The following GPC5 variants were observed in gnomAD, a reference collection of about 807,000 sequenced individuals.
GPC5 encodes glypican 5, also known as glypican-5.
In GPC5, 47 loss-of-function variants were observed where a neutral mutation model predicts 53.9. That is an observed-to-expected ratio of 0.87 (90% confidence interval 0.69 to 1.11). The LOEUF is 1.11. Among genes scored for constraint, GPC5 ranks in the 50% most tolerant of loss-of-function variants. The probability of loss-of-function intolerance (pLI) is 0.00; values close to 1 mark genes in which losing one functional copy is unlikely to be tolerated. For synonymous variants in GPC5, 286 were observed against 263.3 expected, an observed-to-expected ratio of 1.09 and a Z score of -0.84; for missense variants, 748 against 713.1, an observed-to-expected ratio of 1.05 and a Z score of -0.56.
At chr13:92,838,354 G>A (rs988656874) in intron 7 of GPC5, among the ~76,000 whole-genome samples, 2 of 151,556 alleles carry the variant, frequency 1.3e-5, no homozygotes, top group African/African-American at 2.4e-5. Flanking sequence ...CGTGGTGGTG[G>A]GCACTTGTAG....
chr13:92,136,259 C>A (rs1436488321), intron 6 of GPC5, among the ~76,000 whole-genome samples: 1 of 152,114 alleles, frequency 6.6e-6, no homozygotes. Flanking sequence ...ATTTCATACA[C>A]ATTTCCTTAT....
chr13:92,632,485 T>TATATATATATATATATATATAC (rs138355646), intron 7 of GPC5, among the ~76,000 whole-genome samples: 6 of 137,666 alleles, frequency 4.4e-5, no homozygotes, highest in African/African-American at 5.4e-5. Flanking sequence ...TATATATATA[T>TATATATATATATATATATATAC]ACACATATAT....
chr13:92,535,036 C>A (rs1204762818), intron 7 of GPC5, among the ~76,000 whole-genome samples: 2 of 152,024 alleles, frequency 1.3e-5, no homozygotes, highest in Non-Finnish European at 2.9e-5. Context: ...GAGTTCTAGT[C>A]AAAATTCATT....
intron 1 of GPC5, among the ~76,000 whole-genome samples, chr13:91,401,393 A>G (rs1218588958): frequency 6.6e-6 from 1 of 152,066 alleles, no homozygotes; most frequent in African/African-American, 2.4e-5. Flanking sequence ...ATGATCTACA[A>G]CATTTAACAT....
intron 5 of GPC5, among the ~76,000 whole-genome samples, chr13:91,888,244 C>T (rs1418414996): frequency 2.0e-5 from 3 of 152,070 alleles, no homozygotes; most frequent in Non-Finnish European, 2.9e-5. Flanking sequence ...AACTTATTCA[C>T]GATCACAAGA....
At chr13:92,845,167 T>C (rs572052090) in intron 7 of GPC5, among the ~76,000 whole-genome samples, 7 of 152,258 alleles carry the variant, frequency 4.6e-5, no homozygotes, top group African/African-American at 1.7e-4. Flanking sequence ...ATGTGATACA[T>C]TTATTCTATG....
intron 7 of GPC5, among the ~76,000 whole-genome samples, chr13:92,648,067 G>A (rs1885832371): frequency 6.6e-6 from 1 of 152,028 alleles, no homozygotes; most frequent in East Asian, 1.9e-4. Context: ...TAAAATGCTT[G>A]TGAAACCTTT....
At chr13:92,020,149 T>A (rs2040744855) in intron 6 of GPC5, among the ~76,000 whole-genome samples, 1 of 152,100 alleles carries the variant, frequency 6.6e-6, no homozygotes, top group African/African-American at 2.4e-5. Context: ...TAGTCCTATT[T>A]CTTTCTTTGA....
At chr13:92,442,751 A>G (rs1048832254) in intron 7 of GPC5, among the ~76,000 whole-genome samples, 5 of 152,154 alleles carry the variant, frequency 3.3e-5, no homozygotes, top group African/African-American at 1.2e-4. Flanking sequence ...CAAAAGCCCA[A>G]CTGCATAGGG....
At chr13:91,682,690 A>G (rs867695464) in intron 2 of GPC5, among the ~76,000 whole-genome samples, 11 of 152,298 alleles carry the variant, frequency 7.2e-5, no homozygotes, top group Admixed American at 5.9e-4. Flanking sequence ...GTCTTAGGAC[A>G]TTGTTCTGAG....
At chr13:92,125,708 G>A (rs1402845270) in intron 6 of GPC5, among the ~76,000 whole-genome samples, 2 of 152,060 alleles carry the variant, frequency 1.3e-5, no homozygotes, top group Non-Finnish European at 2.9e-5. Flanking sequence ...CATCTGTGAT[G>A]TGTAAGACAC....
intron 6 of GPC5, among the ~76,000 whole-genome samples, chr13:92,030,802 G>C (rs2040835096): frequency 6.6e-6 from 1 of 152,190 alleles, no homozygotes; most frequent in South Asian, 2.1e-4. Context: ...GGCGTCTCCT[G>C]TTTTGGGGTG....
At chr13:92,446,459 A>G (rs1396819193) in intron 7 of GPC5, 1 of 150,846 alleles carries the variant, frequency 6.6e-6, no homozygotes, top group Non-Finnish European at 1.5e-5. Context: ...AGGACAGGAT[A>G]CCATTCTTTT....
At chr13:92,735,122 A>C (rs984907747) in intron 7 of GPC5, among the ~76,000 whole-genome samples, 2 of 152,002 alleles carry the variant, frequency 1.3e-5, no homozygotes, top group Non-Finnish European at 2.9e-5. Context: ...AAAAGCAGAC[A>C]AAATACAAAC....
intron 5 of GPC5, among the ~76,000 whole-genome samples, chr13:91,776,467 C>T (rs1402797643): frequency 6.6e-6 from 1 of 152,214 alleles, no homozygotes; most frequent in East Asian, 1.9e-4. Context: ...TACTTGAAGA[C>T]TGGCCACAGC....
chr13:92,110,905 A>T (rs867111442), intron 6 of GPC5, among the ~76,000 whole-genome samples: 3 of 152,184 alleles, frequency 2.0e-5, no homozygotes, highest in African/African-American at 4.8e-5. Context: ...TTCCTAAAGA[A>T]TCATCATGAT....
chr13:92,186,546 G>T lies in GPC5; in HGVS notation c.1561+41557G>T, dbSNP rs531906728. ...TTGGCATGGGGAATTAAACACAAAT[G>T]CTTAGTAAGGTTTTAAAATATATTT... On this transcript the variant is annotated intron_variant, in intron 7 of 7. Coordinates refer to ENST00000377067, the MANE Select transcript of GPC5 (RefSeq NM_004466.6). Among the ~76,000 whole-genome samples, 8 of 152,164 alleles carry T rather than the reference G, an allele frequency of 5.3e-5. No individual in the cohort carries two copies. In the South Asian group the frequency reaches 1.7e-3, roughly 32 times the overall value.
At chr13:91,697,875 A>G (rs1170975469) in intron 3 of GPC5, among the ~76,000 whole-genome samples, 2 of 151,200 alleles carry the variant, frequency 1.3e-5, no homozygotes, top group African/African-American at 4.9e-5. Flanking sequence ...TATTGATTCT[A>G]TACAGTTTTA....
intron 7 of GPC5, among the ~76,000 whole-genome samples, chr13:92,415,001 G>T (rs1437062905): frequency 1.3e-5 from 2 of 152,144 alleles, no homozygotes; most frequent in African/African-American, 4.8e-5. Context: ...AATGGGGCTA[G>T]GATGTATCAG....
Sources: gnomAD v4.1 joint callset for allele counts (sites outside exome capture counted in the v4.1 genomes callset) on GRCh38, gnomAD v4.1.1 for gene constraint, MANE v1.5 for transcripts, NCBI Gene and HGNC (gene_info 2026-07-23, HGNC 2026-07-21) for gene names.